The following STOX2 variants were observed in gnomAD, a reference collection of about 807,000 sequenced individuals.
The protein encoded by STOX2 is storkhead-box protein 2.
A neutral mutation model predicts 60.9 loss-of-function variants in STOX2; 28 were observed. The observed-to-expected ratio is 0.46, with a 90% CI of 0.34 to 0.63. The LOEUF (loss-of-function observed/expected upper bound fraction) is 0.63, where lower values mean the gene tolerates loss of function less well. STOX2 is among the 30% of genes least tolerant of loss of function. The pLI is 0.01. For synonymous variants in STOX2, 472 were observed against 463.9 expected (o/e 1.02, Z -0.22); for missense variants, 1,024 against 1,187.7 (o/e 0.86, Z 2.03).
intron 1 of STOX2, among the ~76,000 whole-genome samples, chr4:183,850,387 T>C (rs1171182024): frequency 2.0e-5 from 3 of 152,228 alleles, no homozygotes; most frequent in African/African-American, 7.2e-5. Flanking sequence ...TATTATTCTT[T>C]ATGATTTTCA....
intron 1 of STOX2, among the ~76,000 whole-genome samples, chr4:183,979,235 G>A (rs1270711056): frequency 2.6e-5 from 4 of 152,052 alleles, no homozygotes; most frequent in Admixed American, 6.6e-5. Context: ...TCGGGGGGCG[G>A]GCTAGGTGCT....
At chr4:183,917,089 C>T (rs575283811) in intron 1 of STOX2, among the ~76,000 whole-genome samples, 6 of 152,322 alleles carry the variant, frequency 3.9e-5, no homozygotes, top group East Asian at 3.9e-4. Flanking sequence ...CAGTGTCTAG[C>T]GAGTGCCAGA....
chr4:183,867,709 T>A (rs1464054891), intron 1 of STOX2, among the ~76,000 whole-genome samples: 1 of 152,234 alleles, frequency 6.6e-6, no homozygotes, highest in Non-Finnish European at 1.5e-5. Context: ...ATTCTTGGCG[T>A]GTGCAATCAC....
Position 184,011,418 on chromosome 4 carries a change from C to T in STOX2, c.2580C>T (p.Ser860=), listed in dbSNP as rs1422967303. Residue 860 remains serine (S), a synonymous_variant, in exon 3 of 4, where the codon TCC becomes TCT. Coordinates refer to ENST00000308497, the MANE Select transcript of STOX2 (RefSeq NM_020225.3). The surrounding 1 kb of genome is among the most constrained non-coding windows in gnomAD (Gnocchi z 4.4). The part of the protein sequence containing the change: ...SSITVDSGFN[S]PRTRESLASN... ...TCACAGTGGACAGTGGATTCAACTCCCCACGGTAGGGAGAGGTGTCTCTGT... is the reference window on the plus strand; with the variant it reads ...TCACAGTGGACAGTGGATTCAACTCTCCACGGTAGGGAGAGGTGTCTCTGT... The T allele has an allele frequency of 6.2e-7, 1 of 1,609,558 alleles. No homozygotes were observed. Among genetic ancestry groups the T allele is most frequent in the Non-Finnish European group, 8.5e-7 (1 of 1,177,782 alleles).
chr4:183,840,100 G>C (rs1195082027), intron 1 of STOX2, among the ~76,000 whole-genome samples: 1 of 151,912 alleles, frequency 6.6e-6, no homozygotes, highest in African/African-American at 2.4e-5. Context: ...AGGGGAAAAG[G>C]GATGCCAAAA....
At chr4:183,830,786 T>C (rs1477354120) in intron 1 of STOX2, among the ~76,000 whole-genome samples, 6 of 152,036 alleles carry the variant, frequency 3.9e-5, no homozygotes, top group Admixed American at 2.0e-4. Context: ...CCTCCAACAA[T>C]AGGACACTTG....
chr4:183,867,526 A>G (rs986772357), intron 1 of STOX2, among the ~76,000 whole-genome samples: 1 of 152,196 alleles, frequency 6.6e-6, no homozygotes, highest in African/African-American at 2.4e-5. Context: ...CATTAAAAGC[A>G]TATTAAAGTG....
At position 183,845,187 on chromosome 4, in the gene STOX2, A is replaced by T. The variant is rs114747725; in HGVS notation, c.364+47132A>T. Among the ~76,000 whole-genome samples, 666 of 152,348 alleles carry T rather than the reference A, an allele frequency of 4.4e-3. 12 individuals are homozygous for T. The highest frequency in any genetic ancestry group is 0.015 in the African/African-American group (638 of 41,590). On this transcript the variant is annotated intron_variant, in intron 1 of 2. Coordinates refer to the STOX2 transcript ENST00000513034. ...CACAGAAGTTCAGCTAAAGTGGTACAGGAGTCCAGAAGACGGAGAGATGGC... is the reference window on the plus strand; with the variant it reads ...CACAGAAGTTCAGCTAAAGTGGTACTGGAGTCCAGAAGACGGAGAGATGGC...
intron 1 of STOX2, among the ~76,000 whole-genome samples, chr4:183,914,741 T>C (rs984002839): frequency 3.3e-5 from 5 of 152,166 alleles, no homozygotes; most frequent in African/African-American, 7.2e-5. Flanking sequence ...GGAGGTTCAG[T>C]TGGATTCCAT....
intron 1 of STOX2, among the ~76,000 whole-genome samples, chr4:183,824,438 G>A (rs1314892301): frequency 6.6e-6 from 1 of 152,144 alleles, no homozygotes; most frequent in Non-Finnish European, 1.5e-5. Context: ...AAGGCACGCT[G>A]GAGAGAGGGA....
At chr4:183,965,872 G>T (rs183188671) in intron 1 of STOX2, among the ~76,000 whole-genome samples, 304 of 152,266 alleles carry the variant, frequency 2.0e-3, no homozygotes, top group Non-Finnish European at 2.0e-3. Flanking sequence ...TAGGGAAGAA[G>T]GGACAGCAGG....
At chr4:183,963,399 T>G (rs1743468026) in intron 1 of STOX2, among the ~76,000 whole-genome samples, 1 of 152,188 alleles carries the variant, frequency 6.6e-6, no homozygotes, top group African/African-American at 2.4e-5. Context: ...GTTGCTTTTA[T>G]CTATTTAAAA....
intron 1 of STOX2, among the ~76,000 whole-genome samples, chr4:183,936,336 A>G (rs1742590062): frequency 6.6e-6 from 1 of 151,954 alleles, no homozygotes. Context: ...TTGCTTCAGC[A>G]CCGCTTTTCT....
At chr4:183,950,321 T>C (rs773505053) in intron 1 of STOX2, among the ~76,000 whole-genome samples, 2 of 152,176 alleles carry the variant, frequency 1.3e-5, no homozygotes, top group Non-Finnish European at 2.9e-5. Flanking sequence ...GTCTCCGCCT[T>C]CATGGACCTA....
intron 2 of STOX2, among the ~76,000 whole-genome samples, chr4:184,005,652 G>T (rs1232292024): frequency 6.6e-6 from 1 of 152,164 alleles, no homozygotes; most frequent in Non-Finnish European, 1.5e-5. Context: ...AGTCGAATTT[G>T]GAAGTAGTGG....
intron 1 of STOX2, among the ~76,000 whole-genome samples, chr4:183,948,217 T>TAA (rs1742954184): frequency 4.9e-4 from 1 of 2,042 alleles, no homozygotes; most frequent in Non-Finnish European, 1.8e-3. Context: ...AAACTCCATC[T>TAA]CAAAAAAAAA....
intron 1 of STOX2, among the ~76,000 whole-genome samples, chr4:183,924,594 G>A (rs192301851): frequency 1.1e-3 from 166 of 152,296 alleles, no homozygotes; most frequent in South Asian, 3.3e-3. Flanking sequence ...GTTATTCTGA[G>A]CTTAATGAGT....
intron 1 of STOX2, among the ~76,000 whole-genome samples, chr4:183,910,853 C>T (rs1444947538): frequency 6.6e-6 from 1 of 152,152 alleles, no homozygotes; most frequent in Non-Finnish European, 1.5e-5. Context: ...CAGCTCATCA[C>T]CTTGATTAGT....
chr4:183,801,591 T>G (rs1273389335), intron 1 of STOX2, among the ~76,000 whole-genome samples: 7 of 152,178 alleles, frequency 4.6e-5, no homozygotes, highest in African/African-American at 7.2e-5. Context: ...TTCCCAGGTA[T>G]GAGGCTTGAA....
Sources: allele counts gnomAD v4.1 joint callset (sites outside exome capture counted in the v4.1 genomes callset), GRCh38; gene constraint gnomAD v4.1.1; non-coding constraint Gnocchi (gnomAD v3.1); transcripts MANE v1.5; gene names NCBI Gene and HGNC (gene_info 2026-07-23, HGNC 2026-07-21).